The following USH2A variants were observed in gnomAD, a reference collection of about 807,000 sequenced individuals.
USH2A encodes the protein usherin, also known as Usher syndrome 2A (autosomal recessive, mild).
Under a neutral mutation model 538.9 loss-of-function variants are expected in USH2A, and 443 were observed. The ratio of observed to expected loss-of-function variants is 0.82; its 90% confidence interval spans 0.76 to 0.89. The LOEUF (loss-of-function observed/expected upper bound fraction) is 0.89, where lower values mean the gene tolerates loss of function less well. Among genes scored for constraint, USH2A ranks in the 40% least tolerant of loss-of-function variants. The pLI, the probability that USH2A is intolerant of heterozygous loss-of-function variation, is 0.00. For missense variants in USH2A, 6,633 were observed against 6,324.8 expected, an observed-to-expected ratio of 1.05 and a Z score of -1.65; for synonymous variants, 2,413 against 2,273.5, an observed-to-expected ratio of 1.06 and a Z score of -1.75.
intron 30 of USH2A, among the ~76,000 whole-genome samples, chr1:216,064,238 CT>C (rs1335720479): frequency 8.5e-5 from 13 of 152,138 alleles, no homozygotes; most frequent in Admixed American, 6.5e-4. Flanking sequence ...GCTTATTCCA[CT>C]TTAGGGTTGT....
intron 58 of USH2A, among the ~76,000 whole-genome samples, chr1:215,757,739 A>G (rs1660853471): frequency 6.6e-6 from 1 of 152,178 alleles, no homozygotes; most frequent in African/African-American, 2.4e-5. Context: ...ATAATGTTGC[A>G]CTAAGTCACA....
intron 13 of USH2A, among the ~76,000 whole-genome samples, chr1:216,243,696 T>A (rs1016442707): frequency 6.6e-6 from 1 of 152,232 alleles, no homozygotes; most frequent in Non-Finnish European, 1.5e-5. Context: ...GGAATGCCTT[T>A]AGAGAGTCAG....
intron 63 of USH2A, among the ~76,000 whole-genome samples, chr1:215,671,802 C>T (rs1657826170): frequency 6.6e-6 from 1 of 152,004 alleles, no homozygotes; most frequent in Non-Finnish European, 1.5e-5. Flanking sequence ...GCTAAATGAT[C>T]CCTCAGGAAT....
In USH2A at chr1:215,759,804, G is replaced by A. The variant is rs1288602735; in HGVS notation, c.11087C>T (p.Thr3696Ile). ...CAGACTCCAATATAATTCCACTGTT[G>A]TAGAATTGATGATAATGTGTCGAGG... The part of the protein sequence containing the change: ...VTPRHIIINS[T>I]TVELYWSLPE... The change falls in exon 57 of 72, where the codon ACA (threonine) becomes ATA (isoleucine). Residue 3696 changes from threonine (T) to isoleucine (I), a missense_variant. By Grantham distance (89) the Thr-to-Ile change is moderately conservative. Coordinates refer to ENST00000307340, the MANE Select transcript of USH2A (RefSeq NM_206933.4). 9 of 1,614,004 alleles carry A rather than the reference G, an allele frequency of 5.6e-6. No individual in the cohort carries two copies. In the South Asian group the frequency reaches 9.9e-5, roughly 18 times the overall value.
chr1:216,185,776 G>A (rs1406726453), intron 20 of USH2A, among the ~76,000 whole-genome samples: 1 of 151,862 alleles, frequency 6.6e-6, no homozygotes, highest in East Asian at 1.9e-4. Context: ...GTATTTCTAT[G>A]ATTTAATGTC....
At chr1:216,087,630 T>C (rs2102563975) in intron 23 of USH2A, among the ~76,000 whole-genome samples, 1 of 152,198 alleles carries the variant, frequency 6.6e-6, no homozygotes, top group South Asian at 2.1e-4. Flanking sequence ...CCAATAAAAC[T>C]TTATAAAAAC....
At chr1:216,272,429 G>T (rs1040766107) in intron 11 of USH2A, among the ~76,000 whole-genome samples, 1 of 151,954 alleles carries the variant, frequency 6.6e-6, no homozygotes, top group African/African-American at 2.4e-5. Context: ...AAACTATTGC[G>T]TTTGTTCATT....
intron 61 of USH2A, among the ~76,000 whole-genome samples, chr1:215,712,133 A>G (rs1659354618): frequency 6.6e-6 from 1 of 152,192 alleles, no homozygotes; most frequent in South Asian, 2.1e-4. Flanking sequence ...TCCCAACCCA[A>G]ATATGCTATC....
rs2036955384 is a variant in USH2A at position 216,289,423 on chromosome 1, A to G, written c.1841-13T>C. 2 of 1,613,770 alleles carry G rather than the reference A, an allele frequency of 1.2e-6. No individual in the cohort carries two copies. Among genetic ancestry groups the G allele is most frequent in the Non-Finnish European group, 1.7e-6 (2 of 1,179,694 alleles). On this transcript the variant is annotated splice_polypyrimidine_tract_variant and intron_variant, in intron 10 of 71. Transcript: ENST00000307340. ...TCACAGTTCCTTCCTGCATCAGGGA[A>G]AGGTTATGCATTATGACTTCTAATT...
At chr1:216,187,161 C>T (rs1247421111) in intron 20 of USH2A, among the ~76,000 whole-genome samples, 1 of 151,862 alleles carries the variant, frequency 6.6e-6, no homozygotes, top group Non-Finnish European at 1.5e-5. Flanking sequence ...GGTATCTACT[C>T]AGTCTCCCAA....
At position 215,943,939 on chromosome 1, in the gene USH2A, T is replaced by C. The variant is rs559503938; in HGVS notation, c.7121-9144A>G. ...GAATTGAGACAGCTCTAAAATAATG[T>C]TTACTGTTTGTTAACATTGGTTATT... On this transcript the variant is annotated intron_variant, in intron 37 of 71. Transcript: ENST00000307340. Among the ~76,000 whole-genome samples, 64 of 152,324 alleles carry C rather than the reference T, an allele frequency of 4.2e-4. 1 individual carries two copies. The highest frequency in any genetic ancestry group is 3.4e-3 in the Middle Eastern group (1 of 294).
At chr1:215,919,558 A>T (rs1023095676) in intron 38 of USH2A, among the ~76,000 whole-genome samples, 1 of 152,048 alleles carries the variant, frequency 6.6e-6, no homozygotes, top group African/African-American at 2.4e-5. Context: ...TGTAGTGTGT[A>T]GTATTTGTGT....
chr1:215,645,518 T>C (rs145637984), intron 67 of USH2A, among the ~76,000 whole-genome samples: 376 of 152,266 alleles, frequency 2.5e-3, no homozygotes, highest in African/African-American at 8.9e-3. Context: ...ATCTGTAAAT[T>C]TGGATAATAA....
chr1:216,019,348 T>C (rs947887524), intron 32 of USH2A, among the ~76,000 whole-genome samples: 4 of 152,152 alleles, frequency 2.6e-5, no homozygotes, highest in Non-Finnish European at 4.4e-5. Flanking sequence ...GTGAAGGAAG[T>C]AATACTAAAA....
intron 61 of USH2A, among the ~76,000 whole-genome samples, 176 bp downstream of exon 61, chr1:215,727,854 T>G (rs1659873422): frequency 6.6e-6 from 1 of 152,188 alleles, no homozygotes. Context: ...TCTCCAATAC[T>G]CCTCATACTC....
At chr1:215,812,042 T>G (rs1662709588) in intron 49 of USH2A, among the ~76,000 whole-genome samples, 1 of 128,698 alleles carries the variant, frequency 7.8e-6, no homozygotes. Flanking sequence ...TGGAGTGCAG[T>G]GGCACCATCT....
intron 13 of USH2A, among the ~76,000 whole-genome samples, chr1:216,234,654 A>G (rs564430227): frequency 6.6e-6 from 1 of 152,240 alleles, no homozygotes; most frequent in South Asian, 2.1e-4. Flanking sequence ...TGGATAAATT[A>G]CCCATTAGCA....
chr1:216,250,619 G>T (rs1015376723), intron 12 of USH2A, among the ~76,000 whole-genome samples: 2 of 152,150 alleles, frequency 1.3e-5, no homozygotes. Context: ...TATGCAGTAA[G>T]CAAATTATAT....
At chr1:216,066,871 G>C (rs917367379) in intron 30 of USH2A, among the ~76,000 whole-genome samples, 2 of 152,084 alleles carry the variant, frequency 1.3e-5, no homozygotes, top group Admixed American at 1.3e-4. Flanking sequence ...CCACAGGGAA[G>C]GTATATAGCA....
Sources: gnomAD v4.1 joint callset for allele counts (sites outside exome capture counted in the v4.1 genomes callset) on GRCh38, gnomAD v4.1.1 for gene constraint, MANE v1.5 for transcripts, NCBI Gene and HGNC (gene_info 2026-07-23, HGNC 2026-07-21) for gene names.